Variants in GABRB1 observed in about 807,000 individuals in gnomAD.
GABRB1 encodes gamma-aminobutyric acid type A receptor subunit beta1.
A neutral mutation model predicts 51.6 loss-of-function variants in GABRB1; 17 were observed. That is an observed-to-expected ratio of 0.33 (90% CI 0.23 to 0.49). GABRB1 has a LOEUF of 0.49. Among genes scored for constraint, GABRB1 ranks in the 20% least tolerant of loss-of-function variants. GABRB1 has a pLI of 0.99. For synonymous variants in GABRB1, 247 were observed against 218.9 expected (o/e 1.13, Z -1.14); for missense variants, 410 against 600.6 (o/e 0.68, Z 3.32).
At chr4:47,238,048 A>G (rs1007676687) in intron 4 of GABRB1, among the ~76,000 whole-genome samples, 1 of 152,038 alleles carries the variant, frequency 6.6e-6, no homozygotes, top group Non-Finnish European at 1.5e-5. Flanking sequence ...TTATGTTTTT[A>G]ATATAGAAGA....
intron 3 of GABRB1, among the ~76,000 whole-genome samples, chr4:47,058,431 T>G (rs1030656021): frequency 6.6e-6 from 1 of 152,084 alleles, no homozygotes; most frequent in African/African-American, 2.4e-5. Context: ...GAACTACCAG[T>G]GGAAGTAATT....
At chr4:47,072,998 C>G (rs1199298683) in intron 3 of GABRB1, among the ~76,000 whole-genome samples, 2 of 152,088 alleles carry the variant, frequency 1.3e-5, no homozygotes, top group East Asian at 3.8e-4. Context: ...TTAGACAATT[C>G]TTATTATAGA....
At chr4:47,291,231 C>T (rs1723718715) in intron 4 of GABRB1, among the ~76,000 whole-genome samples, 2 of 152,170 alleles carry the variant, frequency 1.3e-5, no homozygotes, top group Non-Finnish European at 2.9e-5. Flanking sequence ...AGGACGGAAG[C>T]CCCAGGCCTT....
chr4:47,030,006 A>G (rs1331256560), upstream of GABRB1, among the ~76,000 whole-genome samples: 4 of 151,346 alleles, frequency 2.6e-5, no homozygotes, highest in African/African-American at 9.7e-5. Context: ...CTTGGCTTTT[A>G]TTTACCCCCT....
Position 47,351,525 on chromosome 4 carries a change from C to A in GABRB1, c.544+31316C>A, listed in dbSNP as rs1726331298. ...CTGCACCCATTAACTTGTCATTTAG[C>A]ATTAGGTATATCTCCTAATGCTATC... is the stretch of plus-strand genomic sequence containing the variant. On this transcript the variant is annotated intron_variant, in intron 5 of 8. Coordinates refer to ENST00000295454, the MANE Select transcript of GABRB1 (RefSeq NM_000812.4). Among the ~76,000 whole-genome samples the A allele has an allele frequency of 2.0e-5, 3 of 151,434 alleles. No individual in the cohort carries two copies. In the South Asian group the frequency reaches 6.3e-4, roughly 32 times the overall value.
intron 1 of GABRB1, among the ~76,000 whole-genome samples, chr4:47,015,095 A>G (rs1201733392): frequency 6.6e-6 from 1 of 152,110 alleles, no homozygotes; most frequent in Non-Finnish European, 1.5e-5. Flanking sequence ...TTTAGTAGAG[A>G]CAGGGTTTCA....
chr4:47,073,226 T>C lies in GABRB1; in HGVS notation c.240+40742T>C, dbSNP rs934737043. Among the ~76,000 whole-genome samples, 10 of 152,320 alleles carry C rather than the reference T, an allele frequency of 6.6e-5. No homozygotes were observed. In the East Asian group the frequency reaches 1.9e-3, roughly 29 times the overall value. The stretch of plus-strand genomic sequence containing the variant: ...GTTGCTGGAAAGAAGGAAAACAGCA[T>C]AGCCCCTTTGTTACCATCCGAATGT... On this transcript the variant is annotated intron_variant, in intron 3 of 8. Transcript: ENST00000295454.
intron 4 of GABRB1, among the ~76,000 whole-genome samples, chr4:47,311,411 CAAA>C (rs71276540): frequency 6.5e-5 from 3 of 46,350 alleles, no homozygotes; most frequent in African/African-American, 7.9e-5. Context: ...GACTCTGTCT[CAAA>C]AAAAAAAAAA....
At chr4:47,227,683 G>T (rs918329320) in intron 4 of GABRB1, among the ~76,000 whole-genome samples, 5 of 152,052 alleles carry the variant, frequency 3.3e-5, no homozygotes, top group African/African-American at 1.2e-4. Context: ...TTACATGAGG[G>T]GCTGTCTTAG....
chr4:47,120,040 T>A (rs894734781), intron 3 of GABRB1, among the ~76,000 whole-genome samples: 1 of 152,024 alleles, frequency 6.6e-6, no homozygotes, highest in African/African-American at 2.4e-5. Context: ...TTGATGTTGC[T>A]GAAAAACTGG....
intron 8 of GABRB1, among the ~76,000 whole-genome samples, chr4:47,423,138 G>A (rs988342538): frequency 2.0e-5 from 3 of 151,520 alleles, no homozygotes; most frequent in South Asian, 2.1e-4. Context: ...AAAAAAAAGA[G>A]GTCCCTAACT....
At chr4:47,194,205 C>T (rs1719554807) in intron 4 of GABRB1, among the ~76,000 whole-genome samples, 1 of 152,144 alleles carries the variant, frequency 6.6e-6, no homozygotes, top group South Asian at 2.1e-4. Flanking sequence ...GAATTGACGT[C>T]ATTTTGTCAG....
At chr4:47,015,890 TA>T (rs1203264414) in intron 1 of GABRB1, among the ~76,000 whole-genome samples, 2 of 152,218 alleles carry the variant, frequency 1.3e-5, no homozygotes, top group Non-Finnish European at 2.9e-5. Flanking sequence ...CTAGAGGTCA[TA>T]ATCTAGTAGA....
chr4:47,406,537 C>T, intron 7 of GABRB1, 145 bp from the exon 8 acceptor site: 1 of 868,692 alleles, frequency 1.2e-6, no homozygotes, highest in East Asian at 2.4e-5. Flanking sequence ...AAAATATCTG[C>T]CCTTTTTGCC....
intron 4 of GABRB1, among the ~76,000 whole-genome samples, chr4:47,298,391 C>G (rs1312668743): frequency 6.6e-6 from 1 of 152,212 alleles, no homozygotes; most frequent in African/African-American, 2.4e-5. Flanking sequence ...TCAGCAAAGT[C>G]TCAGGATACA....
At chr4:47,089,676 G>A (rs1398047926) in intron 3 of GABRB1, among the ~76,000 whole-genome samples, 2 of 151,908 alleles carry the variant, frequency 1.3e-5, no homozygotes, top group Non-Finnish European at 2.9e-5. Flanking sequence ...TATTATAATC[G>A]AATAGTATAA....
At chr4:47,013,141 G>GTA in intron 1 of GABRB1, among the ~76,000 whole-genome samples, 1 of 151,090 alleles carries the variant, frequency 6.6e-6, no homozygotes, top group East Asian at 1.9e-4. Context: ...ATTGCATTCT[G>GTA]TGTGTGTGTG....
intron 4 of GABRB1, among the ~76,000 whole-genome samples, chr4:47,222,346 C>T (rs1720798753): frequency 6.6e-6 from 1 of 152,066 alleles, no homozygotes; most frequent in Non-Finnish European, 1.5e-5. Flanking sequence ...AGTAATGGTT[C>T]CCCAAAATGT....
chr4:47,316,011 C>G (rs750093143), intron 4 of GABRB1, among the ~76,000 whole-genome samples: 1 of 148,586 alleles, frequency 6.7e-6, no homozygotes, highest in Admixed American at 6.8e-5. Flanking sequence ...GTATAACAAA[C>G]CTGCATATGT....
Sources: allele counts gnomAD v4.1 joint callset (sites outside exome capture counted in the v4.1 genomes callset), GRCh38; gene constraint gnomAD v4.1.1; transcripts MANE v1.5; gene names NCBI Gene and HGNC (gene_info 2026-07-23, HGNC 2026-07-21).